The following PCDHA9 variants were observed in gnomAD, a reference collection of about 807,000 sequenced individuals.
The protein encoded by PCDHA9 is protocadherin alpha-9.
A neutral mutation model predicts 62.0 loss-of-function variants in PCDHA9; 62 were observed. The ratio of observed to expected loss-of-function variants is 1.00; its 90% confidence interval spans 0.81 to 1.23. The LOEUF is 1.23. PCDHA9 is among the 50% of genes most tolerant of loss of function. The pLI, the probability that PCDHA9 is intolerant of heterozygous loss-of-function variation, is 0.00. For synonymous variants in PCDHA9, 557 were observed against 567.6 expected (o/e 0.98, Z 0.27); for missense variants, 1,205 against 1,249.8 (o/e 0.96, Z 0.54).
intron 1 of PCDHA9, among the ~76,000 whole-genome samples, chr5:140,914,897 TTG>T (rs1415652208): frequency 6.6e-6 from 1 of 151,972 alleles, no homozygotes; most frequent in East Asian, 1.9e-4. Context: ...GCTTTTAACT[TTG>T]TGTTGTTTCT....
chr5:140,928,152 T>G, intron 1 of PCDHA9: 1 of 1,614,200 alleles, frequency 6.2e-7, no homozygotes, highest in East Asian at 2.2e-5. Context: ...CCTCAGATAG[T>G]GGCTCACCCC....
At chr5:140,904,447 C>T (rs2071139964) in intron 1 of PCDHA9, among the ~76,000 whole-genome samples, 1 of 151,118 alleles carries the variant, frequency 6.6e-6, no homozygotes, top group Non-Finnish European at 1.5e-5. Flanking sequence ...ATTACAATTT[C>T]TTTATACACT....
chr5:140,967,127 T>C (rs155808), intron 1 of PCDHA9: 558,768 of 1,612,332 alleles, frequency 0.35, 98,550 homozygotes, highest in East Asian at 0.51. Flanking sequence ...CCTGCTCAGC[T>C]TGGAAGTGCT....
At chr5:140,929,209 G>T in intron 1 of PCDHA9, 1 of 1,614,054 alleles carries the variant, frequency 6.2e-7, no homozygotes, top group Non-Finnish European at 8.5e-7. Context: ...GCTGTTGCGT[G>T]GGGAGTACAA....
rs1202247543 is a variant in PCDHA9, at chr5:140,858,682, T to A, written c.2394+7793T>A. On this transcript the variant is annotated intron_variant, in intron 1 of 3. Coordinates refer to ENST00000532602, the MANE Select transcript of PCDHA9 (RefSeq NM_031857.2). Reference sequence around the variant, plus strand: ...AAATAACAATTTATTCTGAATACACTAATATTTTCCAATACAAATATGTGA... The same window carrying A: ...AAATAACAATTTATTCTGAATACACAAATATTTTCCAATACAAATATGTGA... 35 of 617,258 alleles carry A rather than the reference T, an allele frequency of 5.7e-5. 1 individual carries two copies. The East Asian group carries it at 9.7e-4, about 17-fold the overall frequency. 38.2% of individuals were successfully genotyped at this position (617,258 alleles called of 1,614,324 possible).
Position 140,849,765 on chromosome 5 carries a change from G to A in PCDHA9, c.1270G>A (p.Val424Met). ...CGAGAGTGTGTCCGCCTACGAGCTG[G>A]TGGTTACCGCGCGGGACGGGGGCTC... The part of the protein sequence containing the change: ...DRESVSAYEL[V>M]VTARDGGSPS... The change falls in exon 1 of 4, where the codon GTG becomes ATG. Residue 424 changes from valine (V) to methionine (M), a missense_variant. Val to Met is a conservative substitution (Grantham distance 21). Coordinates refer to ENST00000532602, the MANE Select transcript of PCDHA9 (RefSeq NM_031857.2). The A allele has an allele frequency of 6.3e-7, 1 of 1,598,514 alleles. No individual in the cohort carries two copies. Among genetic ancestry groups the A allele is most frequent in the Non-Finnish European group, 8.6e-7 (1 of 1,167,988 alleles).
At chr5:140,877,095 C>T in intron 1 of PCDHA9, 1 of 1,613,330 alleles carries the variant, frequency 6.2e-7, no homozygotes, top group Non-Finnish European at 8.5e-7. Context: ...GCGACGCCGG[C>T]GTGCCGCCTC....
intron 1 of PCDHA9, chr5:140,930,304 A>G (rs1554207720): frequency 6.6e-6 from 1 of 152,236 alleles, no homozygotes. Flanking sequence ...ATAAGTAAAT[A>G]TCATATTTGA....
At chr5:140,967,872 A>C (rs2096192784) in intron 1 of PCDHA9, 2 of 1,614,034 alleles carry the variant, frequency 1.2e-6, no homozygotes, top group Non-Finnish European at 1.7e-6. Context: ...GTGCTCACGG[A>C]CCTGTATAGC....
rs782131708 is a variant in PCDHA9, at chr5:140,869,055, G to A, written c.2394+18166G>A. The A allele has an allele frequency of 1.9e-6, 3 of 1,547,114 alleles. No homozygotes were observed. In the South Asian group the frequency reaches 3.8e-5, roughly 20 times the overall value. ...TTTTTAACCTGAAACTGAAGAATCTGGTACTGTAAGTGTAAAGAAGCTTAT... is the reference window on the plus strand; with the variant it reads ...TTTTTAACCTGAAACTGAAGAATCTAGTACTGTAAGTGTAAAGAAGCTTAT... On this transcript the variant is annotated intron_variant, in intron 1 of 3. Coordinates refer to ENST00000532602, the MANE Select transcript of PCDHA9 (RefSeq NM_031857.2).
chr5:140,917,777 T>C (rs913092177), intron 1 of PCDHA9, among the ~76,000 whole-genome samples: 7 of 152,214 alleles, frequency 4.6e-5, no homozygotes, highest in Non-Finnish European at 1.0e-4. Context: ...ATTAGTACCA[T>C]GTTGTTTTGG....
In PCDHA9 at chr5:140,848,409, C is replaced by A; in HGVS notation, c.-87C>A. ...TCTCTCTGTGCTGAACGATGGCGAA[C>A]ACAGCAGAATGGGACTGACGAAATC... On this transcript the variant is annotated 5_prime_UTR_variant, in exon 1 of 4. Transcript: ENST00000532602. 7.4e-7 allele frequency: 1 copy of A among 1,356,090 alleles called. No individual in the cohort carries two copies. The highest frequency in any genetic ancestry group is 1.0e-6 in the Non-Finnish European group (1 of 982,134). 84.0% of individuals were successfully genotyped at this position (1,356,090 alleles called of 1,614,324 possible).
intron 1 of PCDHA9, among the ~76,000 whole-genome samples, chr5:140,962,132 C>A (rs1018234897): frequency 3.3e-5 from 5 of 152,104 alleles, no homozygotes; most frequent in Admixed American, 3.3e-4. Flanking sequence ...GCCTCGGCCT[C>A]CCAAAGTGCT....
intron 1 of PCDHA9, chr5:140,875,784 C>T (rs782115108): frequency 3.7e-5 from 60 of 1,614,200 alleles, no homozygotes; most frequent in Non-Finnish European, 5.0e-5. Flanking sequence ...AGTGCAGTAT[C>T]CACCTGGAGG....
chr5:140,882,818 A>G, intron 1 of PCDHA9: 1 of 1,614,226 alleles, frequency 6.2e-7, no homozygotes, highest in Non-Finnish European at 8.5e-7. Flanking sequence ...GGACGCACAA[A>G]ACAGTCTTGA....
chr5:140,889,662 C>T (rs1397086074), intron 1 of PCDHA9, among the ~76,000 whole-genome samples: 1 of 151,946 alleles, frequency 6.6e-6, no homozygotes, highest in Admixed American at 6.6e-5. Context: ...GTCCTCTTCC[C>T]AGCCTTTTAT....
intron 1 of PCDHA9, among the ~76,000 whole-genome samples, chr5:140,970,865 T>C (rs1255232385): frequency 6.6e-6 from 1 of 152,180 alleles, no homozygotes; most frequent in Non-Finnish European, 1.5e-5. Context: ...CCATTCCTGA[T>C]TGAGAGTAGA....
At chr5:140,938,536 G>T (rs1443736475) in intron 1 of PCDHA9, among the ~76,000 whole-genome samples, 2 of 140,060 alleles carry the variant, frequency 1.4e-5, no homozygotes, top group Non-Finnish European at 3.2e-5. Context: ...TGGATAATAT[G>T]GATTTTTATC....
chr5:140,899,788 C>T (rs1260643506), intron 1 of PCDHA9, among the ~76,000 whole-genome samples: 3 of 152,054 alleles, frequency 2.0e-5, no homozygotes, highest in Admixed American at 6.6e-5. Context: ...TGGTATAATT[C>T]GGCTGTGAAT....
Sources: gnomAD v4.1 joint callset for allele counts (sites outside exome capture counted in the v4.1 genomes callset) on GRCh38, gnomAD v4.1.1 for gene constraint, MANE v1.5 for transcripts, NCBI Gene and HGNC (gene_info 2026-07-23, HGNC 2026-07-21) for gene names.